The following DACH2 variants were observed in gnomAD, a reference collection of about 807,000 sequenced individuals.
The protein encoded by DACH2 is dachshund family transcription factor 2, also known as dachshund homolog 2.
A neutral mutation model predicts 35.8 loss-of-function variants in DACH2; 17 were observed. That is an observed-to-expected ratio of 0.48 (90% CI 0.33 to 0.71). The LOEUF is 0.71. Among genes scored for constraint, DACH2 ranks in the 30% least tolerant of loss-of-function variants. DACH2 has a pLI of 0.02. For synonymous variants in DACH2, 195 were observed against 177.3 expected (o/e 1.10, Z -0.79); for missense variants, 469 against 472.7 (o/e 0.99, Z 0.07).
At chrX:86,322,189 A>G (rs1022996624) in intron 1 of DACH2, among the ~76,000 whole-genome samples, 1 of 111,424 alleles carries the variant, frequency 9.0e-6, no homozygotes, top group Admixed American at 9.5e-5. Context: ...ATTAAAATTA[A>G]GGATCCTTTC....
chrX:86,664,080 C>T (rs1225278224), intron 4 of DACH2, among the ~76,000 whole-genome samples: 2 of 111,631 alleles, frequency 1.8e-5, no homozygotes, highest in African/African-American at 3.3e-5. Context: ...AAATAGAGCA[C>T]AAATGCTATT....
chrX:86,663,848 T>C (rs1245850696), intron 4 of DACH2, among the ~76,000 whole-genome samples: 2 of 111,711 alleles, frequency 1.8e-5, no homozygotes, highest in Non-Finnish European at 3.8e-5. Context: ...AGCTGCATCA[T>C]AAATGGTTGG....
intron 1 of DACH2, among the ~76,000 whole-genome samples, chrX:86,323,727 G>A (rs1292683862): frequency 3.6e-5 from 4 of 111,299 alleles, no homozygotes; most frequent in Non-Finnish European, 5.7e-5. Flanking sequence ...ACCTATTCCA[G>A]CCCTGCACAA....
chrX:86,741,474 C>T (rs146999537), intron 7 of DACH2, among the ~76,000 whole-genome samples: 3,748 of 111,504 alleles, frequency 0.034, 156 homozygotes, highest in African/African-American at 0.12. Context: ...TCAAGAGATT[C>T]TTATATGTAG....
At chrX:86,574,480 A>C (rs2039411492) in intron 3 of DACH2, among the ~76,000 whole-genome samples, 1 of 111,353 alleles carries the variant, frequency 9.0e-6, no homozygotes, top group African/African-American at 3.3e-5. Flanking sequence ...CTTCATATTA[A>C]GAAATGCATG....
At chrX:86,463,461 T>C (rs1446986124) in intron 2 of DACH2, among the ~76,000 whole-genome samples, 1 of 110,562 alleles carries the variant, frequency 9.0e-6, no homozygotes, top group East Asian at 2.9e-4. Flanking sequence ...CTGGAAAAAG[T>C]GACTAGCCGT....
intron 2 of DACH2, among the ~76,000 whole-genome samples, chrX:86,431,671 A>G (rs764439156): frequency 3.6e-5 from 4 of 111,872 alleles, no homozygotes; most frequent in Non-Finnish European, 7.5e-5. Context: ...AAGCAATATA[A>G]TAACAGTGTA....
chrX:86,274,639 T>C (rs1269765354), intron 1 of DACH2, among the ~76,000 whole-genome samples: 7 of 107,514 alleles, frequency 6.5e-5, no homozygotes, highest in Admixed American at 1.0e-4. Context: ...GGACTACAGG[T>C]GCCTGCCACC....
intron 2 of DACH2, among the ~76,000 whole-genome samples, chrX:86,493,225 T>A (rs977578492): frequency 1.8e-5 from 2 of 111,557 alleles, no homozygotes; most frequent in African/African-American, 6.5e-5. Flanking sequence ...TCAAGTTAAA[T>A]TTGACAAATA....
rs62592913 is a variant in DACH2 at position 86,676,618 on chromosome X, A to G, written c.773-18403A>G. On this transcript the variant is annotated intron_variant, in intron 4 of 11. Transcript: ENST00000373125. ...TATTTATTTATTTAAATTTAAATAG[A>G]CATATGTGTCCAGCGGCTACTATAT... Among the ~76,000 whole-genome samples, 322 of 112,002 alleles carry G rather than the reference A, an allele frequency of 2.9e-3. 2 individuals carry two copies. The highest frequency in any genetic ancestry group is 0.023 in the Middle Eastern group (5 of 218).
chrX:86,408,148 C>T (rs1013793261), intron 2 of DACH2, among the ~76,000 whole-genome samples: 14 of 111,521 alleles, frequency 1.3e-4, no homozygotes, highest in Non-Finnish European at 1.9e-4. Context: ...GAGAGATTCT[C>T]AGTTGCACCC....
At chrX:86,422,288 G>A (rs780822206) in intron 2 of DACH2, among the ~76,000 whole-genome samples, 2 of 110,771 alleles carry the variant, frequency 1.8e-5, no homozygotes, top group African/African-American at 6.5e-5. Flanking sequence ...TCAACTGACA[G>A]GATAGTTTCA....
chrX:86,169,606 A>T (rs2031057920), intron 1 of DACH2, among the ~76,000 whole-genome samples: 1 of 109,182 alleles, frequency 9.2e-6, no homozygotes, highest in South Asian at 4.0e-4. Flanking sequence ...TCCTCTGTGT[A>T]TTTTCAAATA....
At chrX:86,726,287 G>A (rs1291770) in intron 6 of DACH2, among the ~76,000 whole-genome samples, 25,008 of 110,677 alleles carry the variant, frequency 0.23, 2,348 homozygotes, top group Admixed American at 0.44. Context: ...CCAGGTGGCA[G>A]ATGCAGCAGA....
intron 1 of DACH2, among the ~76,000 whole-genome samples, chrX:86,196,569 T>C (rs2147897060): frequency 9.4e-6 from 1 of 106,794 alleles, no homozygotes; most frequent in African/African-American, 3.4e-5. Flanking sequence ...GGTGGGTGCC[T>C]GTAGTCCCAG....
chrX:86,516,126 A>C (rs1321341028), intron 3 of DACH2, among the ~76,000 whole-genome samples: 1 of 111,936 alleles, frequency 8.9e-6, no homozygotes, highest in African/African-American at 3.2e-5. Context: ...TCAACTTTAA[A>C]TATTTATAAA....
chrX:86,785,324 G>A (rs766450488), intron 7 of DACH2, among the ~76,000 whole-genome samples: 1 of 111,071 alleles, frequency 9.0e-6, no homozygotes, highest in East Asian at 2.9e-4. Context: ...CCTATAGATT[G>A]TGTTTAAAGT....
intron 11 of DACH2, chrX:86,829,372 A>G (rs972928125): frequency 4.4e-5 from 5 of 112,453 alleles, no homozygotes; most frequent in African/African-American, 1.6e-4. Flanking sequence ...AAGTCTCATC[A>G]TTAAATGGAA....
At chrX:86,154,961 C>T (rs2030494094) in intron 1 of DACH2, among the ~76,000 whole-genome samples, 1 of 111,282 alleles carries the variant, frequency 9.0e-6, no homozygotes, top group Non-Finnish European at 1.9e-5. Flanking sequence ...AGTCTCAATA[C>T]TCATGCTATA....
Sources: allele counts gnomAD v4.1 joint callset (sites outside exome capture counted in the v4.1 genomes callset), GRCh38; gene constraint gnomAD v4.1.1; transcripts MANE v1.5; gene names NCBI Gene and HGNC (gene_info 2026-07-23, HGNC 2026-07-21).